Variants in HDAC7 observed in about 807,000 individuals in gnomAD.
HDAC7 encodes histone deacetylase 7A.
Under a neutral mutation model 115.5 loss-of-function variants are expected in HDAC7, and 26 were observed. The ratio of observed to expected loss-of-function variants is 0.23; its 90% CI spans 0.16 to 0.31. The LOEUF is 0.31. Ranked by LOEUF, HDAC7 falls within the 10% of genes least tolerant of loss-of-function variation. The probability of loss-of-function intolerance (pLI) is 1.00; values close to 1 mark genes in which losing one functional copy is unlikely to be tolerated. For synonymous variants in HDAC7, 564 were observed against 550.9 expected (o/e 1.02, Z -0.33); for missense variants, 1,068 against 1,329.0 (o/e 0.80, Z 3.05).
intron 1 of HDAC7, among the ~76,000 whole-genome samples, chr12:47,812,128 A>G (rs941732780): frequency 6.6e-6 from 1 of 152,246 alleles, no homozygotes; most frequent in Admixed American, 6.5e-5. Flanking sequence ...AAGCTGGCAC[A>G]GCAGCCCCTC....
rs200088444 is a variant in HDAC7 at position 47,783,871 on chromosome 12, C to T, written c.2946G>A (p.Leu982=). The part of the protein sequence containing the change: ...ILAEDRPSEQ[L]VEEEEPMNL ...GATTCATAGGTTCTTCCTCCTCCAC[C>T]AGCTGCTCCGAGGGCCTGTGGGGAG... Residue 982 remains leucine, a synonymous_variant, in exon 26 of 26, where the codon CTG becomes CTA. Transcript: ENST00000080059. 7.6e-5 allele frequency: 123 copies of T among 1,612,378 alleles called. 1 individual carries two copies. In the East Asian group the frequency reaches 2.7e-3, roughly 35 times the overall value.
chr12:47,790,197 T>G, intron 16 of HDAC7: 1 of 442,224 alleles, frequency 2.3e-6, no homozygotes, highest in Non-Finnish European at 4.2e-6. Flanking sequence ...GGAGGGGGCA[T>G]GGCGTTACCT....
At chr12:47,788,354 T>G in intron 19 of HDAC7, 190 bp from the exon 20 acceptor site, 1 of 563,520 alleles carries the variant, frequency 1.8e-6, no homozygotes, top group South Asian at 3.0e-5. Context: ...CCTCGGCCTC[T>G]CTGTGCTGGA....
In HDAC7 at chr12:47,799,850, C is replaced by T. The variant is rs368078958; in HGVS notation, c.71-878G>A. Among the ~76,000 whole-genome samples, 54 of 152,316 alleles carry T rather than the reference C, an allele frequency of 3.5e-4. 1 individual carries two copies. The highest frequency in any genetic ancestry group is 3.4e-3 in the Middle Eastern group (1 of 294). On this transcript the variant is annotated intron_variant, in intron 2 of 25. Coordinates refer to ENST00000080059, the MANE Select transcript of HDAC7 (RefSeq NM_015401.5). ...CCAGAGAGGCTGAGACACTGGGAGA[C>T]GGAGCTGTTGCAGCGGGCTTATCCT...
chr12:47,786,537 C>G, intron 22 of HDAC7, 48 bp downstream of exon 22: 1 of 1,381,278 alleles, frequency 7.2e-7, no homozygotes, highest in Non-Finnish European at 1.0e-6. Context: ...CTCCCCGCAC[C>G]GCCTGGCTCT....
rs1396429113 is a variant in HDAC7, at chr12:47,797,649, G to C, written c.462-150C>G. ...TAGGAATGGGGACCATCTCCAGGTG[G>C]CAGCAGTGGGCCGCCTGTCCGCTCC... On this transcript the variant is annotated intron_variant, in intron 5 of 25. Coordinates refer to ENST00000080059, the MANE Select transcript of HDAC7 (RefSeq NM_015401.5). This position sits in a 1 kb window ranked among gnomAD's most constrained non-coding sequence, Gnocchi z 5.5. The C allele has an allele frequency of 3.2e-6, 2 of 617,230 alleles. No individual in the cohort carries two copies. The highest frequency in any genetic ancestry group is 3.7e-5 in the African/African-American group (2 of 54,068). The allele number at this position is 617,230 out of a possible 1,614,324, so 38.2% of individuals were successfully genotyped here. A position where few individuals can be genotyped will look rare whatever the true frequency, so the allele number is the denominator to read the frequency against.
chr12:47,799,040 C>G, intron 2 of HDAC7, 68 bp from the exon 3 acceptor site: 1 of 1,096,086 alleles, frequency 9.1e-7, no homozygotes, highest in Non-Finnish European at 1.3e-6. Context: ...ACAGCCTGAT[C>G]CCCCCTCAGC....
intron 1 of HDAC7, among the ~76,000 whole-genome samples, chr12:47,810,324 A>G (rs1944597009): frequency 6.6e-6 from 1 of 152,236 alleles, no homozygotes; most frequent in East Asian, 1.9e-4. Context: ...GAGGTCACAC[A>G]GATGGTATGT....
intron 24 of HDAC7, chr12:47,785,074 T>C: frequency 1.8e-6 from 1 of 553,412 alleles, no homozygotes; most frequent in East Asian, 3.1e-5. Context: ...CCAGGCCTTT[T>C]GGCAAACAAG....
At position 47,785,432 on chromosome 12, in the gene HDAC7, T is replaced by G. The variant is rs746473398; in HGVS notation, c.2746A>C (p.Asn916His). Residue 916 changes from asparagine to histidine, a missense_variant, in exon 24 of 26, where the codon AAC (asparagine) becomes CAC (histidine). Asn to His is a moderately conservative substitution (Grantham distance 68, BLOSUM62 1). Around this residue, in one of 6 missense-constraint regions of HDAC7, gnomAD observed 98 missense variants for 123.9 expected, o/e 0.79. Coordinates refer to ENST00000080059, the MANE Select transcript of HDAC7 (RefSeq NM_015401.5). ...TCCAGAGAGCGGATGGCATTGAGGTTGGGTTTCTGTTTCCAGCCTTCTTCT... is the reference window on the plus strand; with the variant it reads ...TCCAGAGAGCGGATGGCATTGAGGTGGGGTTTCTGTTTCCAGCCTTCTTCT... The part of the protein sequence containing the change: ...LSEEGWKQKP[N>H]LNAIRSLEAV... 25 of 1,613,186 alleles carry G rather than the reference T, an allele frequency of 1.5e-5. No individual in the cohort carries two copies. The highest frequency in any genetic ancestry group is 2.1e-5 in the Non-Finnish European group (25 of 1,179,680).
intron 16 of HDAC7, chr12:47,790,931 A>G (rs1943459874): frequency 9.0e-6 from 4 of 444,046 alleles, no homozygotes; most frequent in African/African-American, 4.1e-5. Context: ...CCTGGCGGCC[A>G]ATGCCCAGTC....
intron 1 of HDAC7, among the ~76,000 whole-genome samples, chr12:47,807,804 G>A (rs895209684): frequency 1.4e-4 from 22 of 152,184 alleles, no homozygotes; most frequent in African/African-American, 4.8e-4. Context: ...CAATGATTTG[G>A]GACTGTGTGC....
Position 47,797,296 on chromosome 12 carries a change from G to T in HDAC7, c.577+88C>A. On this transcript the variant is annotated intron_variant, in intron 6 of 25. Transcript: ENST00000080059. This position sits in a 1 kb window ranked among gnomAD's most constrained non-coding sequence, Gnocchi z 5.5. ...ACCGATGATCTCCTGGCCCAGCCCA[G>T]CCCGCCCACCCCTGCACACTCCTCC... 1.1e-6 allele frequency: 1 copy of T among 870,728 alleles called. No individual in the cohort carries two copies. The highest frequency in any genetic ancestry group is 1.7e-6 in the Non-Finnish European group (1 of 576,264). The allele number at this position is 870,728 out of a possible 1,614,324, so 53.9% of individuals were successfully genotyped here. A position where few individuals can be genotyped will look rare whatever the true frequency, so the allele number is the denominator to read the frequency against.
chr12:47,803,254 G>A lies in HDAC7; in HGVS notation c.20-980C>T, dbSNP rs535833725. On this transcript the variant is annotated intron_variant, in intron 1 of 25. Coordinates refer to ENST00000080059, the MANE Select transcript of HDAC7 (RefSeq NM_015401.5). The surrounding 1 kb of genome is among the most constrained non-coding windows in gnomAD (Gnocchi z 4.0). Reference sequence around the variant, plus strand: ...CAGGAGACCCAGAGGCTGCCTGGACGGGGTACTGGGTGGACACAGAAGCGC... The same window carrying A: ...CAGGAGACCCAGAGGCTGCCTGGACAGGGTACTGGGTGGACACAGAAGCGC... Among the ~76,000 whole-genome samples the A allele has an allele frequency of 2.6e-5, 4 of 152,318 alleles. No homozygotes were observed. Among genetic ancestry groups the A allele is most frequent in the South Asian group, 4.1e-4 (2 of 4,828 alleles).
At position 47,789,245 on chromosome 12, in the gene HDAC7, ACG is replaced by A. The variant is rs1323928734; in HGVS notation, c.2235+14_2235+15del. The stretch of plus-strand genomic sequence containing the variant: ...CAGGGCTCTCGAATTGGAGGGTGCT[ACG>A]GACAGGCACCTACCCAGTCTACAAT... On this transcript the variant is annotated intron_variant, in intron 19 of 25. Transcript: ENST00000080059. 6.2e-7 allele frequency: 1 copy of A among 1,602,902 alleles called. No individual in the cohort carries two copies.
Position 47,809,720 on chromosome 12 carries a change from G to A in HDAC7, c.20-7446C>T, listed in dbSNP as rs1271268603. Among the ~76,000 whole-genome samples the A allele has an allele frequency of 2.0e-5, 3 of 151,402 alleles. No individual in the cohort carries two copies. In the South Asian group the frequency reaches 6.3e-4, roughly 32 times the overall value. On this transcript the variant is annotated intron_variant, in intron 1 of 25. Transcript: ENST00000080059. ...TAAGTAGCTGGGATTACAGGCGTGC[G>A]CCAACATGCCTGGCTAATTTTTGTA...
rs1437981281 is a variant in HDAC7, at chr12:47,814,950, CATT to C, written c.19+4814_19+4816del. On this transcript the variant is annotated intron_variant, in intron 1 of 25. Coordinates refer to ENST00000080059, the MANE Select transcript of HDAC7 (RefSeq NM_015401.5). ...CAGTGTGTAACTAGTCACACATACT[CATT>C]CCTTTACTTGCCTACTTGTTCTGTT... Among the ~76,000 whole-genome samples, 18 of 152,358 alleles carry C rather than the reference CATT, an allele frequency of 1.2e-4. No homozygotes were observed. The East Asian group carries it at 3.5e-3, about 29-fold the overall frequency.
rs1014539542 is a variant in HDAC7 at position 47,797,274 on chromosome 12, G to A, written c.577+110C>T. The A allele has an allele frequency of 3.8e-5, 59 of 1,544,262 alleles. No homozygotes were observed. Among genetic ancestry groups the A allele is most frequent in the Admixed American group, 1.9e-4 (11 of 58,192 alleles). On this transcript the variant is annotated intron_variant, in intron 6 of 25. Transcript: ENST00000080059. The surrounding 1 kb of genome is among the most constrained non-coding windows in gnomAD (Gnocchi z 5.5). Reference sequence around the variant, plus strand: ...ACTAGAAAGAAGATCCTAGCCTACCGATGATCTCCTGGCCCAGCCCAGCCC... The same window carrying A: ...ACTAGAAAGAAGATCCTAGCCTACCAATGATCTCCTGGCCCAGCCCAGCCC...
chr12:47,817,305 AAAC>A (rs1391702056), intron 1 of HDAC7: 3 of 152,384 alleles, frequency 2.0e-5, no homozygotes, highest in Middle Eastern at 3.4e-3. Context: ...CCGTGGTTCC[AAAC>A]AACAACATCG....
Sources: gnomAD v4.1 joint callset for allele counts (sites outside exome capture counted in the v4.1 genomes callset) on GRCh38, gnomAD v4.1.1 for gene constraint, gnomAD v4.1.1 regional missense constraint, Gnocchi (gnomAD v3.1) non-coding constraint, MANE v1.5 for transcripts, NCBI Gene and HGNC (gene_info 2026-07-23, HGNC 2026-07-21) for gene names.